Variants in GRK4 observed in about 807,000 individuals in gnomAD.
GRK4 encodes the protein G protein-coupled receptor kinase 4, also known as G protein-coupled receptor kinase 2-like.
Under a neutral mutation model 77.9 loss-of-function variants are expected in GRK4, and 73 were observed. That is an observed-to-expected ratio of 0.94 (90% CI 0.78 to 1.14). The LOEUF (loss-of-function observed/expected upper bound fraction) is 1.14, where lower values mean the gene tolerates loss of function less well. GRK4 is among the 50% of genes most tolerant of loss of function. The pLI is 0.00. For missense variants in GRK4, 729 were observed against 700.2 expected (o/e 1.04, Z -0.46); for synonymous variants, 257 against 254.4 (o/e 1.01, Z -0.10).
chr4:2,966,003 C>T (rs1043159801), intron 1 of GRK4: 4 of 164,744 alleles, frequency 2.4e-5, no homozygotes, highest in Admixed American at 1.1e-4. Flanking sequence ...ACCAAGCCGC[C>T]TTCCTTATAA....
chr4:3,032,109 A>G (rs1739339040), intron 12 of GRK4, among the ~76,000 whole-genome samples: 1 of 152,174 alleles, frequency 6.6e-6, no homozygotes. Context: ...GAATGTATAA[A>G]TATGTACCAG....
intron 13 of GRK4, among the ~76,000 whole-genome samples, chr4:3,036,009 G>A (rs1157085541): frequency 2.0e-5 from 3 of 152,068 alleles, no homozygotes; most frequent in South Asian, 2.1e-4. Context: ...TTCTAGAGAC[G>A]GGGGTCTCCC....
intron 4 of GRK4, among the ~76,000 whole-genome samples, chr4:3,000,986 C>T (rs1402879964): frequency 1.3e-5 from 2 of 151,290 alleles, no homozygotes; most frequent in Non-Finnish European, 2.9e-5. Context: ...AGTCTTGGCT[C>T]TCCCCTTGGT....
At chr4:2,988,875 A>G in intron 3 of GRK4, 36 bp downstream of exon 3, 1 of 1,282,644 alleles carries the variant, frequency 7.8e-7, no homozygotes, top group African/African-American at 1.5e-5. Context: ...CAACCACCCA[A>G]TCTTATGCTT....
chr4:2,969,810 T>C (rs1301288514), intron 1 of GRK4, among the ~76,000 whole-genome samples: 3 of 152,168 alleles, frequency 2.0e-5, no homozygotes, highest in Non-Finnish European at 4.4e-5. Context: ...CCCAAGTGGC[T>C]GGGACCACAG....
At chr4:2,983,726 C>T (rs1317526655) in intron 1 of GRK4, among the ~76,000 whole-genome samples, 2 of 152,090 alleles carry the variant, frequency 1.3e-5, no homozygotes, top group Non-Finnish European at 2.9e-5. Flanking sequence ...ACCTGTCTCC[C>T]TGTATTAGTC....
In GRK4 at chr4:3,040,605, G is replaced by A. The variant is rs766925967; in HGVS notation, c.1717G>A (p.Val573Met). Residue 573 changes from valine to methionine, a missense_variant, in exon 16 of 16, where the codon GTG becomes ATG. Val to Met is a conservative substitution (Grantham distance 21). Transcript: ENST00000398052. ...GACCATGGTCCCCAGTGAGAAGGAA[G>A]TGGAACCCAAGCAATGCTGAGCACC... ...CLTMVPSEKE[V>M]EPKQC The A allele has an allele frequency of 1.9e-6, 3 of 1,611,428 alleles. No individual in the cohort carries two copies. Among genetic ancestry groups the A allele is most frequent in the African/African-American group, 1.3e-5 (1 of 75,034 alleles).
Position 2,963,644 on chromosome 4 carries a change from C to G in GRK4, c.-427C>G. On this transcript the variant is annotated 5_prime_UTR_variant, in exon 1 of 16. Transcript: ENST00000398052. ...CGTTAGCGCCGAGCCCGCCCGGGAG[C>G]GGGTCGCCGGCCGCGGCGGGCGCCC... 2.6e-6 allele frequency: 1 copy of G among 379,896 alleles called. No homozygotes were observed. The highest frequency in any genetic ancestry group is 4.7e-6 in the Non-Finnish European group (1 of 213,778). 23.5% of individuals were successfully genotyped at this position (379,896 alleles called of 1,614,324 possible). A position where few individuals can be genotyped will look rare whatever the true frequency, so the allele number is the denominator to read the frequency against.
intron 10 of GRK4, among the ~76,000 whole-genome samples, chr4:3,026,390 G>A (rs1325639014): frequency 6.6e-6 from 1 of 151,884 alleles, no homozygotes; most frequent in East Asian, 1.9e-4. Context: ...ACAATGATAC[G>A]AAAAAAATAA....
At chr4:2,993,089 G>C (rs1172902461) in intron 4 of GRK4, among the ~76,000 whole-genome samples, 1 of 150,454 alleles carries the variant, frequency 6.6e-6, no homozygotes, top group Non-Finnish European at 1.5e-5. Context: ...CTAACAATTA[G>C]ATCTCTTAGA....
At chr4:2,989,754 G>T (rs1725562100) in intron 3 of GRK4, among the ~76,000 whole-genome samples, 1 of 152,214 alleles carries the variant, frequency 6.6e-6, no homozygotes. Flanking sequence ...AATTTACTAT[G>T]CTCAAGAAAG....
intron 4 of GRK4, among the ~76,000 whole-genome samples, chr4:3,000,068 A>G (rs1171926023): frequency 6.6e-6 from 1 of 152,186 alleles, no homozygotes; most frequent in Non-Finnish European, 1.5e-5. Flanking sequence ...TCCTCTGCCT[A>G]AAATTTTAAA....
At chr4:2,997,997 A>G (rs909355833) in intron 4 of GRK4, among the ~76,000 whole-genome samples, 2 of 152,332 alleles carry the variant, frequency 1.3e-5, no homozygotes, top group African/African-American at 4.8e-5. Context: ...CTTCTGTTCA[A>G]CTAGGGTCAA....
chr4:3,009,801 T>C (rs1732376870), intron 7 of GRK4, 90 bp downstream of exon 7: 1 of 880,318 alleles, frequency 1.1e-6, no homozygotes, highest in South Asian at 1.4e-5. Context: ...GCATCAGCTC[T>C]CCCAGTACAC....
intron 15 of GRK4, among the ~76,000 whole-genome samples, chr4:3,039,938 C>T (rs1741930528): frequency 6.6e-6 from 1 of 152,108 alleles, no homozygotes; most frequent in African/African-American, 2.4e-5. Flanking sequence ...TTGGGGAAAA[C>T]CTGCCGTTGA....
At chr4:3,031,805 G>A (rs1217477209) in intron 12 of GRK4, among the ~76,000 whole-genome samples, 6 of 152,130 alleles carry the variant, frequency 3.9e-5, no homozygotes, top group African/African-American at 1.2e-4. Flanking sequence ...GGGGATGGAG[G>A]ATGAAGTCAC....
Position 3,040,554 on chromosome 4 carries a change from C to G in GRK4, c.1684-18C>G. Reference sequence around the variant, plus strand: ...TTCGCATCAGCCGTGTGCCTGAGGCCGCCGCTGTGTGTTGTAGGGCTGCCT... The same window carrying G: ...TTCGCATCAGCCGTGTGCCTGAGGCGGCCGCTGTGTGTTGTAGGGCTGCCT... On this transcript the variant is annotated intron_variant, in intron 15 of 15. Transcript: ENST00000398052. 1.2e-6 allele frequency: 2 copies of G among 1,602,854 alleles called. No homozygotes were observed. The highest frequency in any genetic ancestry group is 1.7e-6 in the Non-Finnish European group (2 of 1,175,156).
intron 1 of GRK4, among the ~76,000 whole-genome samples, chr4:2,980,889 T>C (rs1722687394): frequency 1.3e-5 from 2 of 152,224 alleles, no homozygotes; most frequent in Non-Finnish European, 2.9e-5. Context: ...CTGGTCCAGA[T>C]CCCATGCCTG....
At chr4:3,010,870 A>T (rs1732714031) in intron 7 of GRK4, among the ~76,000 whole-genome samples, 1 of 152,180 alleles carries the variant, frequency 6.6e-6, no homozygotes, top group Non-Finnish European at 1.5e-5. Context: ...TATATCTGTT[A>T]TGCACCTGCA....
Sources: gnomAD v4.1 joint callset for allele counts (sites outside exome capture counted in the v4.1 genomes callset) on GRCh38, gnomAD v4.1.1 for gene constraint, MANE v1.5 for transcripts, NCBI Gene and HGNC (gene_info 2026-07-23, HGNC 2026-07-21) for gene names.